The following LRRC4C variants were observed in gnomAD, a reference collection of about 807,000 sequenced individuals.
LRRC4C encodes leucine-rich repeat-containing protein 4C.
Under a neutral mutation model 33.6 loss-of-function variants are expected in LRRC4C, and 5 were observed. The observed-to-expected ratio is 0.15, with a 90% CI of 0.08 to 0.31. The LOEUF (loss-of-function observed/expected upper bound fraction) is 0.31, where lower values mean the gene tolerates loss of function less well. Ranked by LOEUF, LRRC4C falls within the 10% of genes least tolerant of loss-of-function variation. The probability of loss-of-function intolerance (pLI) is 1.00; values close to 1 mark genes in which losing one functional copy is unlikely to be tolerated. For synonymous variants in LRRC4C, 329 were observed against 302.0 expected (o/e 1.09, Z -0.93); for missense variants, 560 against 796.7 (o/e 0.70, Z 3.58).
At chr11:40,745,909 A>G (rs1948392867) in intron 2 of LRRC4C, among the ~76,000 whole-genome samples, 1 of 152,204 alleles carries the variant, frequency 6.6e-6, no homozygotes, top group African/African-American at 2.4e-5. Flanking sequence ...TAAAAAGGCA[A>G]TATATGACTT....
chr11:40,769,590 C>T (rs988923314), intron 2 of LRRC4C, among the ~76,000 whole-genome samples: 1 of 152,238 alleles, frequency 6.6e-6, no homozygotes, highest in South Asian at 2.1e-4. Flanking sequence ...TATTACAGAG[C>T]TATTGTAACC....
At chr11:40,420,092 A>C (rs537057725) in intron 3 of LRRC4C, among the ~76,000 whole-genome samples, 1 of 152,376 alleles carries the variant, frequency 6.6e-6, no homozygotes, top group Admixed American at 6.5e-5. Flanking sequence ...ATGTATTATT[A>C]AATGAAAGGA....
At chr11:40,179,384 G>A (rs1008915919) in intron 5 of LRRC4C, among the ~76,000 whole-genome samples, 1 of 152,244 alleles carries the variant, frequency 6.6e-6, no homozygotes, top group Admixed American at 6.5e-5. Flanking sequence ...AGTCCTCACT[G>A]AAACACAGAA....
chr11:40,188,097 C>T (rs1398611565), intron 5 of LRRC4C, among the ~76,000 whole-genome samples: 1 of 152,156 alleles, frequency 6.6e-6, no homozygotes, highest in Non-Finnish European at 1.5e-5. Context: ...TAGAAAAACT[C>T]TCACCTGAAG....
chr11:40,933,529 C>T (rs1957731260), intron 2 of LRRC4C, 106 bp downstream of exon 2: 1 of 152,200 alleles, frequency 6.6e-6, no homozygotes, highest in Admixed American at 6.5e-5. Flanking sequence ...TGGCCACTCT[C>T]TCATTGGGTG....
chr11:41,184,286 G>T (rs1945589893), intron 1 of LRRC4C, among the ~76,000 whole-genome samples: 1 of 151,658 alleles, frequency 6.6e-6, no homozygotes, highest in South Asian at 2.1e-4. Context: ...TTGTCAGGGT[G>T]CAAATTTTTC....
At chr11:41,013,578 T>G (rs1855368007) in intron 1 of LRRC4C, among the ~76,000 whole-genome samples, 1 of 152,136 alleles carries the variant, frequency 6.6e-6, no homozygotes, top group Non-Finnish European at 1.5e-5. Flanking sequence ...CTGTTTGGGG[T>G]GCTATAATAA....
rs543450175 is a variant in LRRC4C at position 41,446,498 on chromosome 11, G to T, written c.-496+12933C>A. 1.2e-4 allele frequency among the ~76,000 whole-genome samples: 19 copies of T among 152,034 alleles called. No individual in the cohort carries two copies. The South Asian group carries it at 4.0e-3, about 32-fold the overall frequency. ...TGGCTGTTAGTGACATGCAATGAAG[G>T]GGACTGAGAGAGTTGTGGGTCAGTT... On this transcript the variant is annotated intron_variant, in intron 1 of 6. Coordinates refer to ENST00000528697, the MANE Select transcript of LRRC4C (RefSeq NM_001258419.2).
At chr11:40,660,368 G>A (rs1053091389) in intron 2 of LRRC4C, among the ~76,000 whole-genome samples, 1 of 152,172 alleles carries the variant, frequency 6.6e-6, no homozygotes, top group Non-Finnish European at 1.5e-5. Flanking sequence ...ACCCCAGCAG[G>A]CCCAAGCAGA....
chr11:40,422,572 C>A lies in LRRC4C; in HGVS notation c.-269-102851G>T, dbSNP rs115288405. Among the ~76,000 whole-genome samples the A allele has an allele frequency of 7.5e-3, 1,143 of 152,112 alleles. 13 individuals carry two copies. The highest frequency in any genetic ancestry group is 0.026 in the African/African-American group (1,080 of 41,508). ...TGTCCTCCTTTGCTAGTAATTTCAA[C>A]TTGGTCTATAAAAGAAGGTGAATAA... On this transcript the variant is annotated intron_variant, in intron 3 of 6. Coordinates refer to ENST00000528697, the MANE Select transcript of LRRC4C (RefSeq NM_001258419.2).
intron 2 of LRRC4C, among the ~76,000 whole-genome samples, chr11:40,688,807 A>G (rs1389163846): frequency 6.6e-6 from 1 of 152,156 alleles, no homozygotes; most frequent in Admixed American, 6.6e-5. Context: ...AATGAACCAC[A>G]GTGGCTTTCA....
chr11:40,387,741 G>A (rs925075736), intron 3 of LRRC4C, among the ~76,000 whole-genome samples: 2 of 152,134 alleles, frequency 1.3e-5, no homozygotes, highest in Non-Finnish European at 2.9e-5. Flanking sequence ...AGTAGTCCAG[G>A]TTAATGAATA....
chr11:41,350,496 C>G (rs1319381884), intron 1 of LRRC4C, among the ~76,000 whole-genome samples: 3 of 110,236 alleles, frequency 2.7e-5, no homozygotes, highest in Non-Finnish European at 5.2e-5. Context: ...GGCGACAGAG[C>G]AAGACTCCAT....
chr11:40,151,455 C>A (rs149304367), intron 5 of LRRC4C, among the ~76,000 whole-genome samples: 36 of 152,142 alleles, frequency 2.4e-4, no homozygotes, highest in African/African-American at 7.2e-4. Flanking sequence ...GTCAGATACA[C>A]AAAAAAATTT....
chr11:40,184,622 T>C (rs1590645919), intron 5 of LRRC4C, among the ~76,000 whole-genome samples: 2 of 152,262 alleles, frequency 1.3e-5, no homozygotes, highest in East Asian at 3.9e-4. Context: ...GCGAAGTCTA[T>C]GAAATCAAAT....
At chr11:40,204,706 G>C (rs769311889) in intron 5 of LRRC4C, among the ~76,000 whole-genome samples, 1 of 152,026 alleles carries the variant, frequency 6.6e-6, no homozygotes, top group Non-Finnish European at 1.5e-5. Flanking sequence ...CAACCTCCAG[G>C]CCTTTTTCCC....
At chr11:40,215,038 G>A (rs1184819547) in intron 5 of LRRC4C, among the ~76,000 whole-genome samples, 1 of 152,106 alleles carries the variant, frequency 6.6e-6, no homozygotes, top group Non-Finnish European at 1.5e-5. Flanking sequence ...ATTAATCAAT[G>A]ATGCAAATCT....
At chr11:40,608,336 C>T (rs1960849403) in intron 3 of LRRC4C, among the ~76,000 whole-genome samples, 1 of 151,808 alleles carries the variant, frequency 6.6e-6, no homozygotes, top group African/African-American at 2.4e-5. Flanking sequence ...ACTATAAGAT[C>T]TTTTATCTAA....
At chr11:40,847,628 C>T (rs754818856) in intron 2 of LRRC4C, among the ~76,000 whole-genome samples, 1 of 152,156 alleles carries the variant, frequency 6.6e-6, no homozygotes, top group East Asian at 1.9e-4. Flanking sequence ...TGTGTCTCTG[C>T]CAGGTTTTAG....
Sources: allele counts gnomAD v4.1 joint callset (sites outside exome capture counted in the v4.1 genomes callset), GRCh38; gene constraint gnomAD v4.1.1; transcripts MANE v1.5; gene names NCBI Gene and HGNC (gene_info 2026-07-23, HGNC 2026-07-21).